The following ZNF804A variants were observed in gnomAD, a reference collection of about 807,000 sequenced individuals.
ZNF804A encodes the protein zinc finger protein 804A.
A neutral mutation model predicts 16.5 loss-of-function variants in ZNF804A; 2 were observed. The observed-to-expected ratio is 0.12, with a 90% CI of 0.05 to 0.38. The LOEUF is 0.38. ZNF804A is among the 10% of genes least tolerant of loss of function. The pLI is 0.99. For synonymous variants in ZNF804A, 534 were observed against 489.6 expected (o/e 1.09, Z -1.20); for missense variants, 1,473 against 1,390.7 (o/e 1.06, Z -0.94).
At chr2:184,772,154 G>A (rs990417608) in intron 1 of ZNF804A, among the ~76,000 whole-genome samples, 2 of 151,336 alleles carry the variant, frequency 1.3e-5, no homozygotes, top group Non-Finnish European at 2.9e-5. Flanking sequence ...AAACAGATAA[G>A]CAGATTTTCT....
intron 1 of ZNF804A, among the ~76,000 whole-genome samples, chr2:184,620,478 A>G (rs1691399634): frequency 6.6e-6 from 1 of 151,834 alleles, no homozygotes; most frequent in African/African-American, 2.4e-5. Context: ...TATTTTAGCA[A>G]CTATGCCTCA....
At chr2:184,905,026 C>T (rs1685248085) in intron 2 of ZNF804A, among the ~76,000 whole-genome samples, 1 of 151,874 alleles carries the variant, frequency 6.6e-6, no homozygotes, top group Non-Finnish European at 1.5e-5. Flanking sequence ...TTCTGTTCTG[C>T]AACTATAATT....
chr2:184,606,082 C>T (rs1212734204), intron 1 of ZNF804A, among the ~76,000 whole-genome samples: 1 of 152,110 alleles, frequency 6.6e-6, no homozygotes. Context: ...TATAAGAAAA[C>T]AGTTTTTCTT....
At chr2:184,716,698 A>G (rs1335774228) in intron 1 of ZNF804A, among the ~76,000 whole-genome samples, 7 of 152,276 alleles carry the variant, frequency 4.6e-5, no homozygotes. Context: ...AATACTACCC[A>G]AGACAAATAT....
chr2:184,814,606 A>G lies in ZNF804A; in HGVS notation c.112-51763A>G, dbSNP rs936358835. Among the ~76,000 whole-genome samples, 6 of 152,196 alleles carry G rather than the reference A, an allele frequency of 3.9e-5. No individual in the cohort carries two copies. The South Asian group carries it at 8.3e-4, about 21-fold the overall frequency. ...ATGGAAAGGTCATTGAGAAGAATTT[A>G]TTCAGCACAGCATGGCAGTTTCTGG... is the stretch of plus-strand genomic sequence containing the variant. On this transcript the variant is annotated intron_variant, in intron 1 of 3. Transcript: ENST00000302277.
chr2:184,931,628 G>A (rs556200934), intron 2 of ZNF804A, among the ~76,000 whole-genome samples: 218 of 152,322 alleles, frequency 1.4e-3, no homozygotes, highest in Non-Finnish European at 1.8e-3. Flanking sequence ...CCTGTGACAG[G>A]ACAGGCTGCT....
chr2:184,769,419 T>C (rs947824632), intron 1 of ZNF804A, among the ~76,000 whole-genome samples: 1 of 152,108 alleles, frequency 6.6e-6, no homozygotes, highest in African/African-American at 2.4e-5. Context: ...TTTTTCAATT[T>C]TATATTTCTG....
intron 2 of ZNF804A, among the ~76,000 whole-genome samples, chr2:184,915,505 T>C (rs1389834484): frequency 1.3e-5 from 2 of 152,096 alleles, no homozygotes; most frequent in African/African-American, 4.8e-5. Context: ...TTAGCAAATT[T>C]TGAAAGCCTC....
rs1222138459 is a variant in ZNF804A, at chr2:184,915,993, T to G, written c.256-17610T>G. 3.3e-5 allele frequency among the ~76,000 whole-genome samples: 5 copies of G among 152,204 alleles called. No homozygotes were observed. The East Asian group carries it at 9.6e-4, about 29-fold the overall frequency. On this transcript the variant is annotated intron_variant, in intron 2 of 3. Coordinates refer to ENST00000302277, the MANE Select transcript of ZNF804A (RefSeq NM_194250.2). Reference sequence around the variant, plus strand: ...TATCTTAACCTTCTCTGAAGAAGGATATTTGCTAACATTCTAATAGAATCT... The same window carrying G: ...TATCTTAACCTTCTCTGAAGAAGGAGATTTGCTAACATTCTAATAGAATCT...
At chr2:184,852,710 T>C (rs1398033292) in intron 1 of ZNF804A, among the ~76,000 whole-genome samples, 1 of 151,864 alleles carries the variant, frequency 6.6e-6, no homozygotes, top group Non-Finnish European at 1.5e-5. Flanking sequence ...AGACTATCCT[T>C]TCCCCATTGT....
intron 1 of ZNF804A, among the ~76,000 whole-genome samples, chr2:184,840,478 G>C (rs1022240802): frequency 6.6e-6 from 1 of 152,018 alleles, no homozygotes. Flanking sequence ...TGTTTCCAGT[G>C]TTCAAGAAAT....
intron 1 of ZNF804A, among the ~76,000 whole-genome samples, chr2:184,813,680 C>T (rs544828116): frequency 2.0e-5 from 3 of 151,856 alleles, no homozygotes; most frequent in Non-Finnish European, 4.4e-5. Context: ...TTTATTTAAC[C>T]ATCTGCCCAG....
In ZNF804A at chr2:184,936,958, G is replaced by A. The variant is rs1294495014; in HGVS notation, c.1562G>A (p.Ser521Asn). 6.2e-7 allele frequency: 1 copy of A among 1,613,946 alleles called. No homozygotes were observed. The highest frequency in any genetic ancestry group is 8.5e-7 in the Non-Finnish European group (1 of 1,179,948). The change falls in exon 4 of 4, where the codon AGC becomes AAC. Residue 521 changes from serine (S) to asparagine (N), a missense_variant. Transcript: ENST00000302277. ...ATTGGAAGTAGCAAAAATAAATGCA[G>A]CCAAGTCACTCCTCTTTTGGCTGAT... ...YEIGSSKNKCSQVTPLLADDI... is the reference protein window; with the variant it reads ...YEIGSSKNKCNQVTPLLADDI...
rs188273724 is a variant in ZNF804A, at chr2:184,789,968, A to T, written c.112-76401A>T. ...CTTTTTGACATAGACATTTAATGCT[A>T]TAAATTTTCCTCTCACACTTCTTTT... On this transcript the variant is annotated intron_variant, in intron 1 of 3. Coordinates refer to ENST00000302277, the MANE Select transcript of ZNF804A (RefSeq NM_194250.2). Among the ~76,000 whole-genome samples the T allele has an allele frequency of 1.5e-3, 231 of 152,154 alleles. 3 individuals are homozygous for T. The highest frequency in any genetic ancestry group is 2.7e-3 in the Non-Finnish European group (185 of 67,976).
intron 2 of ZNF804A, among the ~76,000 whole-genome samples, chr2:184,909,092 A>G (rs1174694629): frequency 6.6e-6 from 1 of 152,114 alleles, no homozygotes; most frequent in Non-Finnish European, 1.5e-5. Flanking sequence ...TAAGTTATGA[A>G]CTGCTATTTT....
At chr2:184,932,511 A>G (rs527334753) in intron 2 of ZNF804A, among the ~76,000 whole-genome samples, 2 of 152,096 alleles carry the variant, frequency 1.3e-5, no homozygotes, top group Non-Finnish European at 1.5e-5. Context: ...AAGTATGGGA[A>G]AGACCCGCCC....
At position 184,834,985 on chromosome 2, in the gene ZNF804A, C is replaced by G. The variant is rs139737101; in HGVS notation, c.112-31384C>G. 2.5e-3 allele frequency among the ~76,000 whole-genome samples: 381 copies of G among 152,272 alleles called. 3 individuals are homozygous for G. Among genetic ancestry groups the G allele is most frequent in the African/African-American group, 8.7e-3 (360 of 41,564 alleles). Reference sequence around the variant, plus strand: ...AGTCATGTTGAACTGTATAACTCAACTTACATGAAAGATCAACTGACTACC... The same window carrying G: ...AGTCATGTTGAACTGTATAACTCAAGTTACATGAAAGATCAACTGACTACC... On this transcript the variant is annotated intron_variant, in intron 1 of 3. Transcript: ENST00000302277.
rs146326625 is a variant in ZNF804A at position 184,645,893 on chromosome 2, T to C, written c.111+46823T>C. Among the ~76,000 whole-genome samples, 1,465 of 152,242 alleles carry C rather than the reference T, an allele frequency of 9.6e-3. 25 individuals carry two copies. The highest frequency in any genetic ancestry group is 0.034 in the African/African-American group (1,396 of 41,548). ...CTGATAAAAGTAAGTGAAGCCCCAA[T>C]ACATGAGAGAGGCAGAGAGCCTCCC... On this transcript the variant is annotated intron_variant, in intron 1 of 3. Coordinates refer to ENST00000302277, the MANE Select transcript of ZNF804A (RefSeq NM_194250.2).
intron 1 of ZNF804A, among the ~76,000 whole-genome samples, chr2:184,849,710 A>G (rs2105803508): frequency 6.6e-6 from 1 of 151,922 alleles, no homozygotes; most frequent in South Asian, 2.1e-4. Context: ...GAACTACCAT[A>G]TGATTCAGCA....
Sources: allele counts gnomAD v4.1 joint callset (sites outside exome capture counted in the v4.1 genomes callset), GRCh38; gene constraint gnomAD v4.1.1; transcripts MANE v1.5; gene names NCBI Gene and HGNC (gene_info 2026-07-23, HGNC 2026-07-21).